Variants in CDC42BPA observed in about 807,000 individuals in gnomAD.
CDC42BPA encodes the protein CDC42 binding protein kinase alpha.
CDC42BPA carries 80 observed loss-of-function variants against 223.5 expected under a neutral mutation model. The observed-to-expected ratio is 0.36, with a 90% confidence interval of 0.30 to 0.43. The LOEUF is 0.43. CDC42BPA is among the 20% of genes least tolerant of loss of function. The pLI is 1.00. For synonymous variants in CDC42BPA, 694 were observed against 718.6 expected (o/e 0.97, Z 0.55); for missense variants, 1,743 against 2,099.9 (o/e 0.83, Z 3.32).
intron 1 of CDC42BPA, among the ~76,000 whole-genome samples, chr1:227,285,909 A>G (rs554268542): frequency 6.6e-6 from 1 of 152,292 alleles, no homozygotes; most frequent in South Asian, 2.1e-4. Context: ...AGAGAGAAGA[A>G]CAGCATCCTG....
At chr1:227,216,872 G>T (rs1674950540) in intron 2 of CDC42BPA, among the ~76,000 whole-genome samples, 1 of 151,672 alleles carries the variant, frequency 6.6e-6, no homozygotes, top group Non-Finnish European at 1.5e-5. Flanking sequence ...GTAAAAACAT[G>T]ATGTTAGAAA....
At chr1:227,073,111 G>C (rs1399363861) in intron 19 of CDC42BPA, among the ~76,000 whole-genome samples, 1 of 151,998 alleles carries the variant, frequency 6.6e-6, no homozygotes, top group African/African-American at 2.4e-5. Context: ...TGAATTCATG[G>C]GCCTGCATTT....
chr1:227,129,714 T>TATATAAATAC (rs140091366), intron 10 of CDC42BPA, among the ~76,000 whole-genome samples: 1 of 105,806 alleles, frequency 9.5e-6, no homozygotes, highest in Non-Finnish European at 1.9e-5. Context: ...TATATATATA[T>TATATAAATAC]ACAAAAGAAT....
intron 9 of CDC42BPA, 23 bp downstream of exon 9, chr1:227,142,922 C>A: frequency 6.6e-7 from 1 of 1,523,366 alleles, no homozygotes; most frequent in Non-Finnish European, 8.8e-7. Context: ...TTGGCCCAAA[C>A]TATGTTAACT....
At chr1:227,090,756 A>C (rs577130655) in intron 16 of CDC42BPA, among the ~76,000 whole-genome samples, 6 of 152,328 alleles carry the variant, frequency 3.9e-5, no homozygotes, top group African/African-American at 1.4e-4. Flanking sequence ...AGTTGCAGTG[A>C]GACGAGATTG....
intron 23 of CDC42BPA, among the ~76,000 whole-genome samples, chr1:227,044,017 T>C (rs1671913784): frequency 6.6e-6 from 1 of 152,192 alleles, no homozygotes; most frequent in African/African-American, 2.4e-5. Context: ...CATGACGTCA[T>C]CTTACTTAAT....
At chr1:227,120,628 A>C (rs1168981929) in intron 11 of CDC42BPA, among the ~76,000 whole-genome samples, 3 of 152,218 alleles carry the variant, frequency 2.0e-5, no homozygotes, top group Non-Finnish European at 4.4e-5. Flanking sequence ...GCTTTTAAGA[A>C]ACAACATTAT....
chr1:227,066,252 G>T (rs192443543), intron 21 of CDC42BPA, among the ~76,000 whole-genome samples: 1 of 151,904 alleles, frequency 6.6e-6, no homozygotes, highest in Non-Finnish European at 1.5e-5. Flanking sequence ...AGCTAGGCAC[G>T]GGGGGCATGC....
intron 5 of CDC42BPA, among the ~76,000 whole-genome samples, chr1:227,166,870 T>C (rs1169594773): frequency 2.0e-5 from 3 of 152,118 alleles, no homozygotes; most frequent in East Asian, 3.9e-4. Context: ...AAAACAAGCA[T>C]AGATACTTCA....
At chr1:227,200,161 T>C (rs1238211236) in intron 3 of CDC42BPA, among the ~76,000 whole-genome samples, 1 of 152,154 alleles carries the variant, frequency 6.6e-6, no homozygotes, top group Non-Finnish European at 1.5e-5. Context: ...CCGGGCGCAG[T>C]GGCTCACGCC....
intron 32 of CDC42BPA, among the ~76,000 whole-genome samples, chr1:227,020,319 T>C (rs994817588): frequency 6.6e-6 from 1 of 152,246 alleles, no homozygotes; most frequent in African/African-American, 2.4e-5. Flanking sequence ...AAGCCAGACA[T>C]TGACTTCTCT....
rs755654518 is a variant in CDC42BPA at position 227,147,509 on chromosome 1, G to T, written c.744C>A (p.Ile248=). Reference sequence around the variant, plus strand: ...CTTTTCCATCTTCCATGGCTTGAAGGATTTCAGGAGAGATATAATCTGGAG... The same window carrying T: ...CTTTTCCATCTTCCATGGCTTGAAGTATTTCAGGAGAGATATAATCTGGAG... ...VGTPDYISPE[I]LQAMEDGKGR... Residue 248 remains isoleucine, a synonymous_variant, in exon 7 of 37, where the codon ATC becomes ATA. Transcript: ENST00000366766. 1 of 1,612,844 alleles carries T rather than the reference G, an allele frequency of 6.2e-7. No homozygotes were observed. The highest frequency in any genetic ancestry group is 8.5e-7 in the Non-Finnish European group (1 of 1,179,326).
intron 2 of CDC42BPA, among the ~76,000 whole-genome samples, chr1:227,222,688 A>G (rs1365624225): frequency 6.6e-6 from 1 of 152,216 alleles, no homozygotes; most frequent in East Asian, 1.9e-4. Flanking sequence ...GCATTAGATC[A>G]TACCCTTTTT....
intron 6 of CDC42BPA, among the ~76,000 whole-genome samples, chr1:227,149,230 C>T (rs544304447): frequency 1.3e-5 from 2 of 152,286 alleles, no homozygotes; most frequent in Admixed American, 6.5e-5. Context: ...CGTAACATTA[C>T]ATCACATAGT....
At chr1:227,213,497 C>G (rs1674302392) in intron 2 of CDC42BPA, among the ~76,000 whole-genome samples, 1 of 152,132 alleles carries the variant, frequency 6.6e-6, no homozygotes, top group Non-Finnish European at 1.5e-5. Flanking sequence ...GGTAATTACA[C>G]ATTAATCCCC....
intron 1 of CDC42BPA, among the ~76,000 whole-genome samples, chr1:227,278,468 G>T (rs1687487170): frequency 6.6e-6 from 1 of 152,152 alleles, no homozygotes. Flanking sequence ...GACTTGAAGG[G>T]AATACTAGGA....
At chr1:227,034,946 A>G (rs528716357) in intron 25 of CDC42BPA, 152 bp from the exon 26 acceptor site, 37 of 578,736 alleles carry the variant, frequency 6.4e-5, no homozygotes, top group African/African-American at 4.9e-4. Context: ...GATGAGACAC[A>G]TATCATTAAG....
At chr1:227,046,625 T>G (rs1672507615) in intron 23 of CDC42BPA, among the ~76,000 whole-genome samples, 1 of 152,172 alleles carries the variant, frequency 6.6e-6, no homozygotes, top group Non-Finnish European at 1.5e-5. Context: ...TATGTGGACT[T>G]TGAATCAATT....
chr1:227,134,114 A>ATC (rs888207890), intron 10 of CDC42BPA, among the ~76,000 whole-genome samples: 4 of 152,190 alleles, frequency 2.6e-5, no homozygotes, highest in African/African-American at 7.2e-5. Flanking sequence ...TTTTCATTCC[A>ATC]ACCAGAAATG....
Sources: allele counts gnomAD v4.1 joint callset (sites outside exome capture counted in the v4.1 genomes callset), GRCh38; gene constraint gnomAD v4.1.1; transcripts MANE v1.5; gene names NCBI Gene and HGNC (gene_info 2026-07-23, HGNC 2026-07-21).